NCOR2: variants seen among roughly 807,000 people sequenced by gnomAD.
NCOR2 encodes nuclear receptor corepressor 2.
Under a neutral mutation model 262.9 loss-of-function variants are expected in NCOR2, and 81 were observed. The observed-to-expected ratio is 0.31, with a 90% CI of 0.26 to 0.37. NCOR2 has a LOEUF of 0.37. Ranked by LOEUF, NCOR2 falls within the 10% of genes least tolerant of loss-of-function variation. The pLI is 1.00. For missense variants in NCOR2, 3,385 were observed against 3,621.4 expected, an observed-to-expected ratio of 0.93 and a Z score of 1.68; for synonymous variants, 1,659 against 1,559.3, an observed-to-expected ratio of 1.06 and a Z score of -1.51.
At chr12:124,469,132 C>A (rs2046699381) in intron 4 of NCOR2, among the ~76,000 whole-genome samples, 1 of 151,992 alleles carries the variant, frequency 6.6e-6, no homozygotes, top group Non-Finnish European at 1.5e-5. Context: ...GGGCACTGGC[C>A]CAAGGTCAGA....
chr12:124,511,910 A>C (rs995971721), intron 1 of NCOR2, among the ~76,000 whole-genome samples: 22 of 152,144 alleles, frequency 1.4e-4, no homozygotes, highest in Non-Finnish European at 2.1e-4. Context: ...TTAAAACAAC[A>C]GTGATTTATT....
At chr12:124,451,828 G>A (rs1226125458) in intron 6 of NCOR2, among the ~76,000 whole-genome samples, 1 of 152,142 alleles carries the variant, frequency 6.6e-6, no homozygotes, top group African/African-American at 2.4e-5. Flanking sequence ...CCGGCAGAGT[G>A]GGCCACCCAG....
rs1339719071 is a variant in NCOR2 at position 124,360,074 on chromosome 12, AG to A, written c.3100+2051del. ...CCGGTGGCTCCCTTTCTCCCAGGAC[AG>A]GGGCCTGCGACCTGGCTCAGCAGGA... On this transcript the variant is annotated intron_variant, in intron 22 of 46. Coordinates refer to ENST00000405201, the Ensembl canonical transcript of NCOR2. 1.5e-4 allele frequency among the ~76,000 whole-genome samples: 23 copies of A among 152,332 alleles called. 1 individual carries two copies. In the East Asian group the frequency reaches 4.4e-3, roughly 29 times the overall value.
chr12:124,372,332 C>T, exon 20 of NCOR2: 1 of 1,521,408 alleles, frequency 6.6e-7, no homozygotes, highest in Non-Finnish European at 8.8e-7. Context: ...GGGGGCGCTG[C>T]TGCGGTCTCC....
chr12:124,494,220 G>GACACAC (rs368597712), intron 1 of NCOR2, among the ~76,000 whole-genome samples: 3 of 151,670 alleles, frequency 2.0e-5, no homozygotes, highest in Admixed American at 2.0e-4. Context: ...AGGCAGGACA[G>GACACAC]ACACACACAC....
chr12:124,414,452 T>A (rs889771880), intron 13 of NCOR2, among the ~76,000 whole-genome samples: 2 of 152,132 alleles, frequency 1.3e-5, no homozygotes, highest in Non-Finnish European at 2.9e-5. Context: ...CCCATCCCCA[T>A]CACACAGCAG....
chr12:124,359,304 G>A (rs532104647), intron 22 of NCOR2, among the ~76,000 whole-genome samples: 4 of 152,310 alleles, frequency 2.6e-5, no homozygotes, highest in East Asian at 1.9e-4. Context: ...CTATCACGCC[G>A]CCTCCAGATG....
chr12:124,398,432 G>A (rs560553370), intron 15 of NCOR2, among the ~76,000 whole-genome samples: 1 of 152,208 alleles, frequency 6.6e-6, no homozygotes, highest in African/African-American at 2.4e-5. Context: ...CGTTGGTCGG[G>A]GCCAACCTCC....
At chr12:124,437,135 G>C (rs1052354739) in intron 8 of NCOR2, among the ~76,000 whole-genome samples, 3 of 148,772 alleles carry the variant, frequency 2.0e-5, no homozygotes, top group Non-Finnish European at 4.5e-5. Flanking sequence ...GAAATGTAAT[G>C]AAATGAAATG....
chr12:124,460,826 G>A (rs970046376), intron 5 of NCOR2, among the ~76,000 whole-genome samples: 3 of 152,172 alleles, frequency 2.0e-5, no homozygotes, highest in African/African-American at 4.8e-5. Context: ...CAATATTCCC[G>A]TGGCTGATAT....
chr12:124,354,441 G>T (rs987019274), intron 26 of NCOR2, 37 bp downstream of exon 28: 3 of 1,450,558 alleles, frequency 2.1e-6, no homozygotes, highest in African/African-American at 2.8e-5. Flanking sequence ...GAGGAACAGG[G>T]GCAGATGCTG....
At chr12:124,496,122 A>G (rs1310640143), upstream of NCOR2, among the ~76,000 whole-genome samples, 1 of 152,018 alleles carries the variant, frequency 6.6e-6, no homozygotes, top group African/African-American at 2.4e-5. The surrounding 1 kb of genome is among the most constrained non-coding windows in gnomAD (Gnocchi z 4.4). Flanking sequence ...GAAGCGGGCT[A>G]GCAGCTTTAC....
At chr12:124,363,901 G>A in intron 20 of NCOR2, 102 bp from the exon 23 acceptor site, 1 of 1,053,864 alleles carries the variant, frequency 9.5e-7, no homozygotes, top group South Asian at 3.8e-5. Context: ...CAAGCCCTGG[G>A]GACGAGGCTA....
intron 22 of NCOR2, among the ~76,000 whole-genome samples, chr12:124,358,157 G>A (rs924924767): frequency 1.3e-5 from 2 of 149,396 alleles, no homozygotes; most frequent in African/African-American, 2.5e-5. Flanking sequence ...ATGTGTGTGT[G>A]TGCCTGTACA....
At chr12:124,398,203 AT>A in intron 15 of NCOR2, 22 bp from the exon 18 acceptor site, 1 of 1,613,548 alleles carries the variant, frequency 6.2e-7, no homozygotes, top group South Asian at 1.1e-5. Context: ...ATGCCAGGTT[AT>A]TGGCAGGAGC....
chr12:124,457,235 C>T lies in NCOR2; in HGVS notation c.706-73G>A, dbSNP rs541839827. ...ACACAGATTATAAATAGAGGCTTCC[C>T]GGAGCAGCGGGCACCTGCCCAGCCC... On this transcript the variant is annotated intron_variant, in intron 5 of 46. Coordinates refer to ENST00000405201, the Ensembl canonical transcript of NCOR2. The surrounding 1 kb of genome is among the most constrained non-coding windows in gnomAD (Gnocchi z 4.0). The T allele has an allele frequency of 1.3e-5, 19 of 1,447,756 alleles. No homozygotes were observed. The highest frequency in any genetic ancestry group is 9.7e-5 in the South Asian group (7 of 71,922). The allele number at this position is 1,447,756 out of a possible 1,614,324, so 89.7% of individuals were successfully genotyped here.
intron 2 of NCOR2, among the ~76,000 whole-genome samples, chr12:124,486,177 C>A (rs931629644): frequency 2.6e-5 from 4 of 152,234 alleles, no homozygotes; most frequent in Non-Finnish European, 4.4e-5. Flanking sequence ...CTGCTGCAGC[C>A]CAGCTTGGAG....
At chr12:124,395,847 C>G (rs184934398) in intron 16 of NCOR2, among the ~76,000 whole-genome samples, 2 of 152,210 alleles carry the variant, frequency 1.3e-5, no homozygotes, top group African/African-American at 2.4e-5. Context: ...TCCCAGCCAA[C>G]AGGCTGAGAT....
rs2050809840 is a variant in NCOR2, at chr12:124,531,914, C to T, written c.-118+3651G>A. Reference sequence around the variant, plus strand: ...CCCACTCCCAGCTGAAGAATCCACTCACAGAGTTTCGAGTCACGGGCAACC... The same window carrying T: ...CCCACTCCCAGCTGAAGAATCCACTTACAGAGTTTCGAGTCACGGGCAACC... On this transcript the variant is annotated intron_variant, in intron 1 of 46. Coordinates refer to the NCOR2 transcript ENST00000404621. The surrounding 1 kb of genome is among the most constrained non-coding windows in gnomAD (Gnocchi z 4.5). 6.6e-6 allele frequency among the ~76,000 whole-genome samples: 1 copy of T among 151,606 alleles called. No homozygotes were observed. The highest frequency in any genetic ancestry group is 1.5e-5 in the Non-Finnish European group (1 of 67,912).
Sources: gnomAD v4.1 joint callset for allele counts (sites outside exome capture counted in the v4.1 genomes callset) on GRCh38, gnomAD v4.1.1 for gene constraint, Gnocchi (gnomAD v3.1) non-coding constraint, MANE v1.5 for transcripts, NCBI Gene and HGNC (gene_info 2026-07-23, HGNC 2026-07-21) for gene names.